CAPN5: variants seen among roughly 807,000 people sequenced by gnomAD.
The protein encoded by CAPN5 is calpain 5.
Under a neutral mutation model 73.0 loss-of-function variants are expected in CAPN5, and 54 were observed. The observed-to-expected ratio is 0.74, with a 90% confidence interval of 0.59 to 0.93. CAPN5 has a LOEUF of 0.93. Among genes scored for constraint, CAPN5 ranks in the 40% least tolerant of loss-of-function variants. The pLI is 0.00. For synonymous variants in CAPN5, 335 were observed against 356.9 expected (o/e 0.94, Z 0.69); for missense variants, 785 against 882.9 (o/e 0.89, Z 1.41).
intron 4 of CAPN5, among the ~76,000 whole-genome samples, chr11:77,113,831 A>G (rs543832708): frequency 6.6e-6 from 1 of 152,346 alleles, no homozygotes; most frequent in East Asian, 1.9e-4. Context: ...CATTTTAACC[A>G]TATGGAAACA....
At chr11:77,105,355 G>A (rs773484564) in intron 3 of CAPN5, among the ~76,000 whole-genome samples, 2 of 152,060 alleles carry the variant, frequency 1.3e-5, no homozygotes, top group Non-Finnish European at 2.9e-5. Context: ...GGGCTTCACC[G>A]AATCTCCTGA....
chr11:77,105,880 G>A (rs1483992928), intron 3 of CAPN5, among the ~76,000 whole-genome samples: 2 of 152,190 alleles, frequency 1.3e-5, no homozygotes, highest in African/African-American at 4.8e-5. Context: ...GGACAACTGA[G>A]GCCCAGAGGA....
At chr11:77,067,791 G>A (rs1591103956) in intron 1 of CAPN5, among the ~76,000 whole-genome samples, 1 of 152,060 alleles carries the variant, frequency 6.6e-6, no homozygotes, top group East Asian at 1.9e-4. Flanking sequence ...GACCAGAGGC[G>A]AAATAGGACA....
At chr11:77,080,809 T>C (rs1950019842) in intron 1 of CAPN5, among the ~76,000 whole-genome samples, 1 of 152,214 alleles carries the variant, frequency 6.6e-6, no homozygotes, top group South Asian at 2.1e-4. Context: ...GGCTTGCTGA[T>C]TGACAGCAGC....
chr11:77,116,088 C>T (rs1555041706), intron 6 of CAPN5, 138 bp from the exon 7 acceptor site: 7 of 739,194 alleles, frequency 9.5e-6, no homozygotes, highest in Non-Finnish European at 6.9e-6. Context: ...GGCATGGCCT[C>T]AGTGCCCCTG....
intron 1 of CAPN5, chr11:77,073,076 C>A: frequency 7.8e-7 from 1 of 1,289,730 alleles, no homozygotes; most frequent in Non-Finnish European, 1.0e-6. Flanking sequence ...GGACGCCCAG[C>A]TGTATCTACC....
intron 3 of CAPN5, among the ~76,000 whole-genome samples, chr11:77,099,707 T>A (rs1591130474): frequency 2.8e-5 from 2 of 71,662 alleles, no homozygotes; most frequent in Non-Finnish European, 5.6e-5. Flanking sequence ...AGGGAGACCG[T>A]GGGGAGAGGG....
In CAPN5 at chr11:77,123,796, A is replaced by T; in HGVS notation, c.1849A>T (p.Ser617Cys). The change falls in exon 13 of 13, where the codon AGC (serine) becomes TGC (cysteine). Residue 617 changes from serine (S) to cysteine (C), a missense_variant. Ser to Cys is a moderately radical substitution (Grantham distance 112). Transcript: ENST00000648180. ...TACCCTCCACCTCCGGGACCGAAAT[A>T]GCCGGCAGCCCAGCAACCTGCCAGG... ...LHTLHLRDRNSRQPSNLPGTV... is the reference protein window; with the variant it reads ...LHTLHLRDRNCRQPSNLPGTV... 6.2e-7 allele frequency: 1 copy of T among 1,613,880 alleles called. No individual in the cohort carries two copies. The highest frequency in any genetic ancestry group is 2.2e-5 in the East Asian group (1 of 44,874).
intron 3 of CAPN5, chr11:77,103,355 C>A: frequency 1.3e-6 from 2 of 1,592,612 alleles, no homozygotes; most frequent in Non-Finnish European, 1.7e-6. Flanking sequence ...CTGCTGCTCT[C>A]CTCTAGCCCA....
chr11:77,098,197 C>CTCT (rs1950234642), intron 3 of CAPN5, among the ~76,000 whole-genome samples: 1 of 73,240 alleles, frequency 1.4e-5, no homozygotes, highest in African/African-American at 8.2e-5. Context: ...TCCCTCACCT[C>CTCT]CCGGACGGGG....
chr11:77,121,867 C>T, intron 10 of CAPN5, 67 bp from the exon 11 acceptor site: 1 of 782,458 alleles, frequency 1.3e-6, no homozygotes, highest in Non-Finnish European at 2.0e-6. Context: ...CTTCCTGAAC[C>T]CCCTCTTCAC....
chr11:77,113,989 GAA>G (rs1432981102), intron 4 of CAPN5, among the ~76,000 whole-genome samples: 1 of 151,080 alleles, frequency 6.6e-6, no homozygotes, highest in Non-Finnish European at 1.5e-5. Context: ...TGGCACTTTG[GAA>G]AAGAGTTGCT....
rs1565281351 is a variant in CAPN5, at chr11:77,122,697, G to C, written c.1725G>C (p.Gln575His). Residue 575 changes from glutamine to histidine, a missense_variant, in exon 12 of 13, where the codon CAG (glutamine) becomes CAC (histidine). Coordinates refer to ENST00000648180, the MANE Select transcript of CAPN5 (RefSeq NM_004055.5). ...TCTTCTACCGCAAGAAGCTGAGCCA[G>C]CCCATCACTGTACAGGTGAGCCCCC... ...KGIFYRKKLS[Q>H]PITVQVWNHR... 6.2e-7 allele frequency: 1 copy of C among 1,613,644 alleles called. No homozygotes were observed. Among genetic ancestry groups the C allele is most frequent in the South Asian group, 1.1e-5 (1 of 91,056 alleles).
At position 77,085,130 on chromosome 11, in the gene CAPN5, G is replaced by T. The variant is rs905441929; in HGVS notation, c.165+79G>T. 1.6e-4 allele frequency: 207 copies of T among 1,308,490 alleles called. No individual in the cohort carries two copies. Among genetic ancestry groups the T allele is most frequent in the East Asian group, 4.7e-5 (2 of 42,500 alleles). 81.1% of individuals were successfully genotyped at this position (1,308,490 alleles called of 1,614,324 possible). ...AGGCTGGGCCTGCAGGGACATCGGG[G>T]TGGTGGGAGGAGGCATCCCTGGCCC... On this transcript the variant is annotated intron_variant, in intron 2 of 12. Transcript: ENST00000648180.
Position 77,123,682 on chromosome 11 carries a change from T to G in CAPN5, c.1741-6T>G, listed in dbSNP as rs781932958. The G allele has an allele frequency of 1.9e-6, 3 of 1,612,132 alleles. No individual in the cohort carries two copies. Among genetic ancestry groups the G allele is most frequent in the Admixed American group, 1.7e-5 (1 of 59,922 alleles). Reference sequence around the variant, plus strand: ...GCCCCTCCCATGATCCTCTGTCTCTTCCCAGGTCTGGAACCACCGAGTGCT... The same window carrying G: ...GCCCCTCCCATGATCCTCTGTCTCTGCCCAGGTCTGGAACCACCGAGTGCT... On this transcript the variant is annotated splice_polypyrimidine_tract_variant and splice_region_variant and intron_variant, in intron 12 of 12. Coordinates refer to ENST00000648180, the MANE Select transcript of CAPN5 (RefSeq NM_004055.5).
chr11:77,099,739 G>GGGAGAGGGAGACGGAGAGGGAGAC (rs1238990108), intron 3 of CAPN5, among the ~76,000 whole-genome samples: 1 of 148,604 alleles, frequency 6.7e-6, no homozygotes, highest in Non-Finnish European at 1.5e-5. Flanking sequence ...GAGAGGGAGA[G>GGGAGAGGGAGACGGAGAGGGAGAC]GGAGAGGGAG....
chr11:77,112,552 T>C, intron 3 of CAPN5, 37 bp from the exon 4 acceptor site: 1 of 1,517,384 alleles, frequency 6.6e-7, no homozygotes, highest in Non-Finnish European at 9.1e-7. Context: ...ATCCCCTCAC[T>C]GTGTTCCCCC....
chr11:77,102,997 A>G (rs1950303760), intron 3 of CAPN5: 7 of 1,613,340 alleles, frequency 4.3e-6, no homozygotes, highest in Non-Finnish European at 5.9e-6. Context: ...GAGTCTGTGT[A>G]CCGCCTCAAC....
chr11:77,081,492 C>A (rs1289117880), intron 1 of CAPN5, among the ~76,000 whole-genome samples: 1 of 152,188 alleles, frequency 6.6e-6, no homozygotes, highest in Non-Finnish European at 1.5e-5. Context: ...GTGGGTGAAG[C>A]CCAGATGTCG....
Sources: allele counts gnomAD v4.1 joint callset (sites outside exome capture counted in the v4.1 genomes callset), GRCh38; gene constraint gnomAD v4.1.1; transcripts MANE v1.5; gene names NCBI Gene and HGNC (gene_info 2026-07-23, HGNC 2026-07-21).